Variants in NAV3 observed in about 807,000 individuals in gnomAD.
NAV3 encodes pore membrane and/or filament interacting like protein 1.
Under a neutral mutation model 244.7 loss-of-function variants are expected in NAV3, and 87 were observed. That is an observed-to-expected ratio of 0.36 (90% CI 0.30 to 0.42). NAV3 has a LOEUF of 0.42. Ranked by LOEUF, NAV3 falls within the 20% of genes least tolerant of loss-of-function variation. The probability of loss-of-function intolerance (pLI) is 1.00; values close to 1 mark genes in which losing one functional copy is unlikely to be tolerated. For synonymous variants in NAV3, 1,126 were observed against 1,042.2 expected (o/e 1.08, Z -1.55); for missense variants, 2,663 against 2,893.3 (o/e 0.92, Z 1.83).
chr12:78,146,345 G>T, intron 20 of NAV3, 24 bp from the exon 21 acceptor site: 4 of 1,038,626 alleles, frequency 3.9e-6, no homozygotes, highest in Non-Finnish European at 5.4e-6. Flanking sequence ...TATAGTTAAA[G>T]TCTTTCTTTT....
At chr12:77,763,736 C>T (rs1233534523) in intron 2 of NAV3, among the ~76,000 whole-genome samples, 1 of 152,164 alleles carries the variant, frequency 6.6e-6, no homozygotes, top group East Asian at 1.9e-4. Flanking sequence ...ACAAGGTCAC[C>T]AAATCCTGAG....
At chr12:78,045,711 G>T (rs1198353992) in intron 9 of NAV3, among the ~76,000 whole-genome samples, 1 of 152,122 alleles carries the variant, frequency 6.6e-6, no homozygotes, top group Non-Finnish European at 1.5e-5. Context: ...TTGTGTCTTT[G>T]CCACGTTTTG....
intron 5 of NAV3, among the ~76,000 whole-genome samples, chr12:77,974,277 GTTGTTTTGTT>G (rs772029106): frequency 3.3e-5 from 5 of 151,354 alleles, no homozygotes; most frequent in East Asian, 1.9e-4. Flanking sequence ...CAGTATTTTT[GTTGTTTTGTT>G]TTGTTTTGTT....
intron 1 of NAV3, among the ~76,000 whole-genome samples, chr12:77,873,018 A>G (rs1401429627): frequency 6.6e-6 from 1 of 152,158 alleles, no homozygotes; most frequent in Admixed American, 6.5e-5. Context: ...TTCCCATGCT[A>G]TTCTCATGAT....
chr12:77,901,986 AGAT>A (rs2136928927), intron 1 of NAV3, among the ~76,000 whole-genome samples: 1 of 152,302 alleles, frequency 6.6e-6, no homozygotes, highest in African/African-American at 2.4e-5. Context: ...TTGGGGAAGA[AGAT>A]ATAGGAATTT....
intron 35 of NAV3, among the ~76,000 whole-genome samples, chr12:78,197,718 T>C (rs1201283069): frequency 6.6e-6 from 1 of 151,878 alleles, no homozygotes; most frequent in East Asian, 1.9e-4. Flanking sequence ...TATGCATTCC[T>C]TAGAATATCT....
chr12:78,049,893 C>A, intron 9 of NAV3, 100 bp from the exon 10 acceptor site: 1 of 682,014 alleles, frequency 1.5e-6, no homozygotes, highest in Non-Finnish European at 2.5e-6. Flanking sequence ...ATTACATATC[C>A]TTTTACTTTT....
intron 2 of NAV3, among the ~76,000 whole-genome samples, chr12:77,709,509 A>G (rs1024914548): frequency 1.3e-5 from 2 of 152,214 alleles, no homozygotes; most frequent in African/African-American, 2.4e-5. Flanking sequence ...TAAATTTAAT[A>G]AACTATTATG....
chr12:77,667,194 C>A (rs1434389352), intron 2 of NAV3, among the ~76,000 whole-genome samples: 4 of 152,184 alleles, frequency 2.6e-5, no homozygotes, highest in Admixed American at 2.6e-4. Flanking sequence ...CATGTGAAGA[C>A]TCACATCATG....
At chr12:78,042,223 G>T (rs1192325048) in intron 9 of NAV3, among the ~76,000 whole-genome samples, 2 of 152,174 alleles carry the variant, frequency 1.3e-5, no homozygotes, top group Non-Finnish European at 2.9e-5. Flanking sequence ...GGGAAGTATT[G>T]TATGACTATC....
At chr12:77,617,945 G>A (rs1315012479) in intron 2 of NAV3, among the ~76,000 whole-genome samples, 2 of 152,208 alleles carry the variant, frequency 1.3e-5, no homozygotes, top group Admixed American at 6.5e-5. Context: ...GTGTCTATGT[G>A]ATTCTGAGGC....
chr12:77,746,728 G>A (rs1038713296), intron 2 of NAV3, among the ~76,000 whole-genome samples: 1 of 152,080 alleles, frequency 6.6e-6, no homozygotes, highest in Non-Finnish European at 1.5e-5. Context: ...TAGTACATTA[G>A]GAAGGAATAT....
chr12:77,638,754 A>G (rs1207758981), intron 2 of NAV3, among the ~76,000 whole-genome samples: 2 of 152,216 alleles, frequency 1.3e-5, no homozygotes, highest in Non-Finnish European at 2.9e-5. Flanking sequence ...TAGTGTCATC[A>G]CCATAGTGAT....
intron 2 of NAV3, among the ~76,000 whole-genome samples, chr12:77,638,724 A>T (rs539372639): frequency 1.6e-4 from 25 of 152,344 alleles, no homozygotes; most frequent in South Asian, 1.0e-3. Flanking sequence ...TTCTCCAAAC[A>T]ATAAAATCAG....
intron 1 of NAV3, among the ~76,000 whole-genome samples, chr12:77,845,106 C>G (rs1241712290): frequency 6.6e-6 from 1 of 152,122 alleles, no homozygotes; most frequent in Non-Finnish European, 1.5e-5. Flanking sequence ...AATTTACACA[C>G]AGTTTTGTAT....
intron 1 of NAV3, among the ~76,000 whole-genome samples, chr12:77,864,142 C>A (rs1212069679): frequency 6.6e-6 from 1 of 151,842 alleles, no homozygotes; most frequent in East Asian, 1.9e-4. Context: ...TTGGTTTGTA[C>A]TTTCACCATT....
rs867286193 is a variant in NAV3, at chr12:77,808,988, C to T, written c.73-131331C>T. On this transcript the variant is annotated intron_variant, in intron 2 of 8. Transcript: ENST00000550042. ...TTTTTACACTGTGAGGGGAAAACCACCTACTCAAGCCTCAGTAATGGCAGA... is the reference window on the plus strand; with the variant it reads ...TTTTTACACTGTGAGGGGAAAACCATCTACTCAAGCCTCAGTAATGGCAGA... Among the ~76,000 whole-genome samples the T allele has an allele frequency of 2.0e-5, 3 of 152,154 alleles. No individual in the cohort carries two copies. The East Asian group carries it at 5.8e-4, about 29-fold the overall frequency.
intron 2 of NAV3, among the ~76,000 whole-genome samples, chr12:77,780,495 A>G (rs1870609959): frequency 6.6e-6 from 1 of 152,192 alleles, no homozygotes. Flanking sequence ...ACAACAGAAT[A>G]GATTGTTTCA....
chr12:77,996,512 T>C (rs1872368361), intron 6 of NAV3, among the ~76,000 whole-genome samples: 1 of 152,236 alleles, frequency 6.6e-6, no homozygotes, highest in Non-Finnish European at 1.5e-5. Flanking sequence ...ATTTTGAAGC[T>C]ATTAACCGTT....
Sources: gnomAD v4.1 joint callset for allele counts (sites outside exome capture counted in the v4.1 genomes callset) on GRCh38, gnomAD v4.1.1 for gene constraint, MANE v1.5 for transcripts, NCBI Gene and HGNC (gene_info 2026-07-23, HGNC 2026-07-21) for gene names.